POU4F1: variants seen among roughly 807,000 people sequenced by gnomAD.
POU4F1 encodes POU domain, class 4, transcription factor 1.
POU4F1 carries 5 observed loss-of-function variants against 19.8 expected under a neutral mutation model. The observed-to-expected ratio is 0.25, with a 90% CI of 0.13 to 0.53. The LOEUF (loss-of-function observed/expected upper bound fraction) is 0.53, where lower values mean the gene tolerates loss of function less well. POU4F1 is among the 20% of genes least tolerant of loss of function. The probability of loss-of-function intolerance (pLI) is 0.96; values close to 1 mark genes in which losing one functional copy is unlikely to be tolerated. For synonymous variants in POU4F1, 266 were observed against 247.7 expected, an observed-to-expected ratio of 1.07 and a Z score of -0.69; for missense variants, 408 against 511.6, an observed-to-expected ratio of 0.80 and a Z score of 1.95.
Position 78,602,136 on chromosome 13 carries a change from C to A in POU4F1, c.539G>T (p.Gly180Val), listed in dbSNP as rs1177958740. ...GPGGGGGGPG[G>V]GLLGGSAHPH... ...GTGCGCGGAGCCGCCCAGGAGCCCGCCGCCCGGGCCGCCGCCGCCGCCCCC... is the reference window on the plus strand; with the variant it reads ...GTGCGCGGAGCCGCCCAGGAGCCCGACGCCCGGGCCGCCGCCGCCGCCCCC... Residue 180 changes from glycine (G) to valine (V), a missense_variant, in exon 2 of 2, where the codon GGC (glycine) becomes GTC (valine). Physicochemically the swap from Gly to Val is moderately radical, Grantham distance 109 (BLOSUM62 -3). Transcript: ENST00000377208. 2.9e-4 allele frequency: 49 copies of A among 170,754 alleles called. 1 individual carries two copies. The highest frequency in any genetic ancestry group is 3.1e-3 in the Middle Eastern group (1 of 324). 10.6% of individuals were successfully genotyped at this position (170,754 alleles called of 1,614,324 possible).
rs558853740 is a variant in POU4F1, at chr13:78,599,692, T to G, written c.*1723A>C. ...GATTTCAGTCTTGTTAATCGGCAGG[T>G]TTTTTTTCTTTTCTCATTTGTTCTG... On this transcript the variant is annotated 3_prime_UTR_variant, in exon 2 of 2. Transcript: ENST00000377208. 4 of 152,546 alleles carry G rather than the reference T, an allele frequency of 2.6e-5. No homozygotes were observed. The East Asian group carries it at 5.8e-4, about 22-fold the overall frequency. The allele number at this position is 152,546 out of a possible 1,614,324, so 9.4% of individuals were successfully genotyped here. A position where few individuals can be genotyped will look rare whatever the true frequency, so the allele number is the denominator to read the frequency against.
In POU4F1 at chr13:78,601,929, A is replaced by G; in HGVS notation, c.746T>C (p.Val249Ala). ...GGACGCCAGGCCCGCTGCGCCCACC[A>G]CGGCCGCCGCCGCCGATGCCGCTGC... Reference protein sequence around the residue: ...QVAAASAAAAVVGAAGLASIC... With the variant: ...QVAAASAAAAAVGAAGLASIC... Residue 249 changes from valine to alanine, a missense_variant, in exon 2 of 2, where the codon GTG becomes GCG. Val to Ala is a moderately conservative substitution (Grantham distance 64). Transcript: ENST00000377208. 7.8e-7 allele frequency: 1 copy of G among 1,282,532 alleles called. No individual in the cohort carries two copies. 79.4% of individuals were successfully genotyped at this position (1,282,532 alleles called of 1,614,324 possible).
rs748551009 is a variant in POU4F1, at chr13:78,602,348, C to CTGGTGG, written c.321_326dup (p.His107_His108dup). 6.7e-5 allele frequency: 98 copies of CTGGTGG among 1,457,380 alleles called. No individual in the cohort carries two copies. The highest frequency in any genetic ancestry group is 2.6e-4 in the East Asian group (9 of 34,128). 90.3% of individuals were successfully genotyped at this position (1,457,380 alleles called of 1,614,324 possible). ...CCAGCAGATCGCCGGGTTCGAGCGC[C>CTGGTGG]TGGTGGTGGTGGTGGTGGTGGTGGT... On this transcript the variant is annotated inframe_insertion, in exon 2 of 2. Transcript: ENST00000377208.
In POU4F1 at chr13:78,603,465, GCTGCTGCTC is replaced by G. The variant is rs1458374827; in HGVS notation, c.-148_-140del. The G allele has an allele frequency of 2.1e-5, 26 of 1,262,836 alleles. No homozygotes were observed. Among genetic ancestry groups the G allele is most frequent in the Non-Finnish European group, 2.1e-5 (21 of 999,392 alleles). The allele number at this position is 1,262,836 out of a possible 1,614,324, so 78.2% of individuals were successfully genotyped here. The stretch of plus-strand genomic sequence containing the variant: ...GGCGGCGGCCCCGCCGCGGGCTGCT[GCTGCTGCTC>G]CTGCTGCTGCCAGGCGCTCCCTCTG... On this transcript the variant is annotated 5_prime_UTR_variant, in exon 1 of 2. Coordinates refer to ENST00000377208, the MANE Select transcript of POU4F1 (RefSeq NM_006237.4).
chr13:78,603,307 T>C lies in POU4F1; in HGVS notation c.20A>G (p.Lys7Arg). 6.3e-7 allele frequency: 1 copy of C among 1,580,960 alleles called. No individual in the cohort carries two copies. The highest frequency in any genetic ancestry group is 1.1e-5 in the South Asian group (1 of 88,586). The change falls in exon 1 of 2, where the codon AAG becomes AGG. Residue 7 changes from lysine (K) to arginine (R), a missense_variant. Around this residue, in one of 4 missense-constraint regions of POU4F1, gnomAD observed 294 missense variants for 288.2 expected, o/e 1.02. Transcript: ENST00000377208. MMSMNSKQPHFAMHPTL... is the reference protein window; with the variant it reads MMSMNSRQPHFAMHPTL... ...GGGATGCATGGCAAAGTGAGGCTGC[T>C]TGCTGTTCATGGACATCATCGTGGC...
rs1176800497 is a variant in POU4F1 at position 78,599,241 on chromosome 13, T to C, written c.*2174A>G. Reference sequence around the variant, plus strand: ...CATCCCCCTGTTGTATTTTGGCGCATAGAATTGGTTCTGATAGAAGTAAGG... The same window carrying C: ...CATCCCCCTGTTGTATTTTGGCGCACAGAATTGGTTCTGATAGAAGTAAGG... On this transcript the variant is annotated 3_prime_UTR_variant, in exon 2 of 2. Coordinates refer to ENST00000377208, the MANE Select transcript of POU4F1 (RefSeq NM_006237.4). The C allele has an allele frequency of 1.3e-5, 2 of 152,594 alleles. No individual in the cohort carries two copies. Among genetic ancestry groups the C allele is most frequent in the African/African-American group, 2.4e-5 (1 of 41,428 alleles). 9.5% of individuals were successfully genotyped at this position (152,594 alleles called of 1,614,324 possible). A position where few individuals can be genotyped will look rare whatever the true frequency, so the allele number is the denominator to read the frequency against.
chr13:78,601,162 C>G lies in POU4F1; in HGVS notation c.*253G>C. On this transcript the variant is annotated 3_prime_UTR_variant, in exon 2 of 2. Transcript: ENST00000377208. ...CTTTCCTTCCCCCCACTCCCCACTC[C>G]CCCGAATGCTCCCCCCCTTCTCCCC... The G allele has an allele frequency of 3.2e-6, 1 of 312,530 alleles. No homozygotes were observed. Among genetic ancestry groups the G allele is most frequent in the Admixed American group, 4.7e-5 (1 of 21,414 alleles). 19.4% of individuals were successfully genotyped at this position (312,530 alleles called of 1,614,324 possible). A position where few individuals can be genotyped will look rare whatever the true frequency, so the allele number is the denominator to read the frequency against.
rs1427690825 is a variant in POU4F1 at position 78,599,487 on chromosome 13, A to G, written c.*1928T>C. 6.6e-6 allele frequency: 1 copy of G among 152,636 alleles called. No homozygotes were observed. Among genetic ancestry groups the G allele is most frequent in the Non-Finnish European group, 1.5e-5 (1 of 68,040 alleles). The allele number at this position is 152,636 out of a possible 1,614,324, so 9.5% of individuals were successfully genotyped here. ...TGTTTTCAGTGGAAACAGGCAGTAG[A>G]CTGTGAAATCGCACTAGCCACAAAA... On this transcript the variant is annotated 3_prime_UTR_variant, in exon 2 of 2. Coordinates refer to ENST00000377208, the MANE Select transcript of POU4F1 (RefSeq NM_006237.4).
Position 78,600,244 on chromosome 13 carries a change from C to T in POU4F1, c.*1171G>A, listed in dbSNP as rs1463356493. On this transcript the variant is annotated 3_prime_UTR_variant, in exon 2 of 2. Coordinates refer to ENST00000377208, the MANE Select transcript of POU4F1 (RefSeq NM_006237.4). The stretch of plus-strand genomic sequence containing the variant: ...GGAGAAAACAGGAGAGAGTATCTCT[C>T]CTAATAACTTTCACCCCATTAGTCT... 3.3e-5 allele frequency: 5 copies of T among 152,016 alleles called. No individual in the cohort carries two copies. The highest frequency in any genetic ancestry group is 2.1e-4 in the South Asian group (1 of 4,820). 9.4% of individuals were successfully genotyped at this position (152,016 alleles called of 1,614,324 possible).
rs750756634 is a variant in POU4F1 at position 78,601,922 on chromosome 13, G to A, written c.753C>T (p.Gly251=). 3.1e-6 allele frequency: 4 copies of A among 1,294,384 alleles called. No individual in the cohort carries two copies. Among genetic ancestry groups the A allele is most frequent in the Non-Finnish European group, 3.9e-6 (4 of 1,023,874 alleles). 80.2% of individuals were successfully genotyped at this position (1,294,384 alleles called of 1,614,324 possible). Residue 251 remains glycine, a synonymous_variant, in exon 2 of 2, where the codon GGC becomes GGT. Coordinates refer to ENST00000377208, the MANE Select transcript of POU4F1 (RefSeq NM_006237.4). ...AAASAAAAVV[G]AAGLASICDS... The stretch of plus-strand genomic sequence containing the variant: ...CGCAGATGGACGCCAGGCCCGCTGC[G>A]CCCACCACGGCCGCCGCCGCCGATG...
chr13:78,602,047 T>A lies in POU4F1; in HGVS notation c.628A>T (p.Met210Leu). The change falls in exon 2 of 2, where the codon ATG (methionine) becomes TTG (leucine). Residue 210 changes from methionine to leucine, a missense_variant. By Grantham distance (15) the Met-to-Leu change is conservative (BLOSUM62 2). Around this residue, in one of 4 missense-constraint regions of POU4F1, gnomAD observed 294 missense variants for 288.2 expected, o/e 1.02. Transcript: ENST00000377208. ...SHPAAAAAMN[M>L]PSGLPHPGLV... Reference sequence around the variant, plus strand: ...CCGGGGTGCGGCAGCCCGGACGGCATGTTCATGGCGGCCGCCGCCGCGGGG... The same window carrying A: ...CCGGGGTGCGGCAGCCCGGACGGCAAGTTCATGGCGGCCGCCGCCGCGGGG... 1.8e-6 allele frequency: 1 copy of A among 550,490 alleles called. No individual in the cohort carries two copies. Among genetic ancestry groups the A allele is most frequent in the Non-Finnish European group, 2.3e-6 (1 of 437,890 alleles). 34.1% of individuals were successfully genotyped at this position (550,490 alleles called of 1,614,324 possible).
rs1593773021 is a variant in POU4F1 at position 78,600,478 on chromosome 13, T to G, written c.*937A>C. 6.6e-6 allele frequency: 1 copy of G among 152,312 alleles called. No individual in the cohort carries two copies. The highest frequency in any genetic ancestry group is 1.9e-4 in the East Asian group (1 of 5,182). The allele number at this position is 152,312 out of a possible 1,614,324, so 9.4% of individuals were successfully genotyped here. ...TCTCGAAGCTCCGGAATTCTGCTTT[T>G]TAGTAGCTCAAAGACTATGCCCTTC... On this transcript the variant is annotated 3_prime_UTR_variant, in exon 2 of 2. Coordinates refer to ENST00000377208, the MANE Select transcript of POU4F1 (RefSeq NM_006237.4).
chr13:78,603,254 G>C lies in POU4F1; in HGVS notation c.73C>G (p.Leu25Val), dbSNP rs572844027. ...CGGATGGCCTCGGAGCTGGAGTGCA[G>C]CGACGGGTACTTGTGCTCAGGGAGG... ...PTLPEHKYPS[L>V]HSSSEAIRRA... The change falls in exon 1 of 2, where the codon CTG becomes GTG. Residue 25 changes from leucine to valine, a missense_variant. By Grantham distance (32) the Leu-to-Val change is conservative. Around this residue, in one of 4 missense-constraint regions of POU4F1, gnomAD observed 294 missense variants for 288.2 expected, o/e 1.02. Coordinates refer to ENST00000377208, the MANE Select transcript of POU4F1 (RefSeq NM_006237.4). 1.3e-6 allele frequency: 2 copies of C among 1,574,194 alleles called. No homozygotes were observed. Among genetic ancestry groups the C allele is most frequent in the African/African-American group, 2.8e-5 (2 of 70,742 alleles).
At position 78,598,655 on chromosome 13, in the gene POU4F1, C is replaced by A. The variant is rs1283494321; in HGVS notation, c.*2760G>T. 2.0e-5 allele frequency: 3 copies of A among 152,160 alleles called. No homozygotes were observed. Among genetic ancestry groups the A allele is most frequent in the Non-Finnish European group, 4.4e-5 (3 of 68,032 alleles). The allele number at this position is 152,160 out of a possible 1,614,324, so 9.4% of individuals were successfully genotyped here. A position where few individuals can be genotyped will look rare whatever the true frequency, so the allele number is the denominator to read the frequency against. ...AAACTTTGTACATTTGGCATCTGAT[C>A]TAGTCCCAAGTCACCAAGAAATAGA... On this transcript the variant is annotated 3_prime_UTR_variant, in exon 2 of 2. Coordinates refer to ENST00000377208, the MANE Select transcript of POU4F1 (RefSeq NM_006237.4).
At position 78,600,497 on chromosome 13, in the gene POU4F1, G is replaced by A. The variant is rs761225154; in HGVS notation, c.*918C>T. The A allele has an allele frequency of 5.3e-5, 8 of 152,194 alleles. No homozygotes were observed. Among genetic ancestry groups the A allele is most frequent in the Non-Finnish European group, 1.2e-4 (8 of 68,056 alleles). 9.4% of individuals were successfully genotyped at this position (152,194 alleles called of 1,614,324 possible). ...TGCTTTTTAGTAGCTCAAAGACTAT[G>A]CCCTTCTCTCCAAAGACCCCCACCC... is the stretch of plus-strand genomic sequence containing the variant. On this transcript the variant is annotated 3_prime_UTR_variant, in exon 2 of 2. Coordinates refer to ENST00000377208, the MANE Select transcript of POU4F1 (RefSeq NM_006237.4).
At position 78,599,809 on chromosome 13, in the gene POU4F1, C is replaced by T. The variant is rs1410554492; in HGVS notation, c.*1606G>A. On this transcript the variant is annotated 3_prime_UTR_variant, in exon 2 of 2. Coordinates refer to ENST00000377208, the MANE Select transcript of POU4F1 (RefSeq NM_006237.4). ...TCTTGTACACAAAGCAGGCATTTTACCTAACCACCTTCAACTATCTTAATT... is the reference window on the plus strand; with the variant it reads ...TCTTGTACACAAAGCAGGCATTTTATCTAACCACCTTCAACTATCTTAATT... 6.6e-6 allele frequency: 1 copy of T among 152,512 alleles called. No homozygotes were observed. Among genetic ancestry groups the T allele is most frequent in the Admixed American group, 6.5e-5 (1 of 15,284 alleles). The allele number at this position is 152,512 out of a possible 1,614,324, so 9.4% of individuals were successfully genotyped here. A position where few individuals can be genotyped will look rare whatever the true frequency, so the allele number is the denominator to read the frequency against.
chr13:78,603,387 C>T lies in POU4F1; in HGVS notation c.-61G>A, dbSNP rs1874792304. The T allele has an allele frequency of 6.6e-6, 10 of 1,522,402 alleles. No homozygotes were observed. Among genetic ancestry groups the T allele is most frequent in the African/African-American group, 1.4e-5 (1 of 69,506 alleles). The allele number at this position is 1,522,402 out of a possible 1,614,324, so 94.3% of individuals were successfully genotyped here. On this transcript the variant is annotated 5_prime_UTR_variant, in exon 1 of 2. Transcript: ENST00000377208. ...GAAAGTCCGCGGGAAAGTGCGTACG[C>T]CGGCTCACCCGGCCTCCCTTCGGAG...
rs190922162 is a variant in POU4F1, at chr13:78,602,612, C to G, written c.124-61G>C. The G allele has an allele frequency of 4.0e-5, 54 of 1,362,504 alleles. No individual in the cohort carries two copies. The Admixed American group carries it at 1.7e-3, about 43-fold the overall frequency. 84.4% of individuals were successfully genotyped at this position (1,362,504 alleles called of 1,614,324 possible). A position where few individuals can be genotyped will look rare whatever the true frequency, so the allele number is the denominator to read the frequency against. On this transcript the variant is annotated intron_variant, in intron 1 of 1. Coordinates refer to ENST00000377208, the MANE Select transcript of POU4F1 (RefSeq NM_006237.4). ...AAACCAAAAGAGCAAAACAAAACAA[C>G]AGAAGAAACACACACACAGGCCGGA...
chr13:78,603,224 C>G lies in POU4F1; in HGVS notation c.103G>C (p.Ala35Pro), dbSNP rs1371365997. ...CTTACCGGCGGCGTGGGCAGGCAGG[C>G]CCGCCGGATGGCCTCGGAGCTGGAG... ...LHSSSEAIRR[A>P]CLPTPPLQSN... The change falls in exon 1 of 2, where the codon GCC becomes CCC. Residue 35 changes from alanine (A) to proline (P), a missense_variant. Ala to Pro is a conservative substitution (Grantham distance 27). This residue lies in a region of POU4F1 where 294 missense variants were observed against 288.2 expected (regional missense o/e 1.02). Coordinates refer to ENST00000377208, the MANE Select transcript of POU4F1 (RefSeq NM_006237.4). 6.4e-7 allele frequency: 1 copy of G among 1,553,094 alleles called. No homozygotes were observed. Among genetic ancestry groups the G allele is most frequent in the Non-Finnish European group, 8.7e-7 (1 of 1,151,250 alleles).
Sources: allele counts gnomAD v4.1 joint callset, GRCh38; gene constraint gnomAD v4.1.1; regional missense constraint gnomAD v4.1.1; transcripts MANE v1.5; gene names NCBI Gene and HGNC (gene_info 2026-07-23, HGNC 2026-07-21).